Variants in CYLC2 observed in about 807,000 individuals in gnomAD.
CYLC2 encodes cylicin 2.
A neutral mutation model predicts 26.1 loss-of-function variants in CYLC2; 30 were observed. The ratio of observed to expected loss-of-function variants is 1.15; its 90% CI spans 0.86 to 1.56. CYLC2 has a LOEUF of 1.56. Among genes scored for constraint, CYLC2 ranks in the 40% most tolerant of loss-of-function variants. The probability of loss-of-function intolerance (pLI) is 0.00; values close to 1 mark genes in which losing one functional copy is unlikely to be tolerated. For missense variants in CYLC2, 498 were observed against 394.4 expected, an observed-to-expected ratio of 1.26 and a Z score of -2.23; for synonymous variants, 158 against 132.8, an observed-to-expected ratio of 1.19 and a Z score of -1.31.
chr9:103,015,127 TGATATA>T, intron 6 of CYLC2, among the ~76,000 whole-genome samples: 1 of 53,932 alleles, frequency 1.9e-5, no homozygotes, highest in Non-Finnish European at 3.4e-5. Flanking sequence ...GTATATCACG[TGATATA>T]CATAACATGT....
chr9:103,015,657 C>A (rs12004982), intron 6 of CYLC2, among the ~76,000 whole-genome samples: 1 of 148,228 alleles, frequency 6.7e-6, no homozygotes, highest in African/African-American at 2.5e-5. Context: ...ACTTGACCAG[C>A]GCTCTACCTT....
chr9:103,002,352 G>GC (rs769810101), intron 2 of CYLC2, among the ~76,000 whole-genome samples: 1 of 114,914 alleles, frequency 8.7e-6, no homozygotes, highest in African/African-American at 3.1e-5. Flanking sequence ...TATAGCATTT[G>GC]CCCCCTTTTT....
rs2118258187 is a variant in CYLC2, at chr9:103,012,078, T to G, written c.*797T>G. 1 of 149,436 alleles carries G rather than the reference T, an allele frequency of 6.7e-6. No homozygotes were observed. Among genetic ancestry groups the G allele is most frequent in the African/African-American group, 2.4e-5 (1 of 40,838 alleles). The allele number at this position is 149,436 out of a possible 1,614,324, so 9.3% of individuals were successfully genotyped here. Reference sequence around the variant, plus strand: ...CAAGTGATTCTCCTGCCTCAGCCTCTCTGGTAGCTGGGATTACAGGTATGC... The same window carrying G: ...CAAGTGATTCTCCTGCCTCAGCCTCGCTGGTAGCTGGGATTACAGGTATGC... On this transcript the variant is annotated 3_prime_UTR_variant, in exon 6 of 8. Transcript: ENST00000374798.
chr9:103,013,686 A>AT (rs1564100708), intron 6 of CYLC2, among the ~76,000 whole-genome samples: 1 of 110,808 alleles, frequency 9.0e-6, no homozygotes, highest in African/African-American at 3.7e-5. Context: ...TATATGATAT[A>AT]TAATATATCC....
At chr9:103,010,911 C>T (rs1829400486) in intron 5 of CYLC2, 2 of 151,818 alleles carry the variant, frequency 1.3e-5, no homozygotes, top group East Asian at 1.9e-4. Context: ...CCTAGATCAA[C>T]CATTATGTAA....
intron 5 of CYLC2, among the ~76,000 whole-genome samples, chr9:103,007,760 C>T (rs892310584): frequency 5.9e-5 from 9 of 152,108 alleles, no homozygotes; most frequent in African/African-American, 2.2e-4. Context: ...CTGACACAAA[C>T]TTTGGATGCA....
intron 6 of CYLC2, among the ~76,000 whole-genome samples, chr9:103,013,958 ATAT>A (rs1319390432): frequency 1.0e-5 from 1 of 95,646 alleles, no homozygotes; most frequent in African/African-American, 3.9e-5. Flanking sequence ...ACTATATATT[ATAT>A]ATTATTATAT....
chr9:103,000,676 G>T (rs1359790814), intron 1 of CYLC2, among the ~76,000 whole-genome samples: 1 of 152,002 alleles, frequency 6.6e-6, no homozygotes, highest in Admixed American at 6.6e-5. Context: ...TTTAGTCAAG[G>T]TATCAAGATA....
At chr9:103,010,659 A>C (rs754781312) in intron 5 of CYLC2, 2 of 152,094 alleles carry the variant, frequency 1.3e-5, no homozygotes, top group Non-Finnish European at 2.9e-5. Context: ...AAAAATGTAT[A>C]GTTATGTTAA....
intron 6 of CYLC2, among the ~76,000 whole-genome samples, chr9:103,015,979 T>C (rs1829500872): frequency 6.7e-6 from 1 of 150,226 alleles, no homozygotes; most frequent in Non-Finnish European, 1.5e-5. Flanking sequence ...TAAGTATATA[T>C]ACATACATAT....
chr9:103,005,140 A>C lies in CYLC2; in HGVS notation c.509A>C (p.Lys170Thr), dbSNP rs775581701. ...DSKKGKKDAE[K>T]GKDSATESED... ...AAAAAAGGTAAAAAGGATGCAGAGAAGGGCAAAGACTCAGCAACAGAATCT... is the reference window on the plus strand; with the variant it reads ...AAAAAAGGTAAAAAGGATGCAGAGACGGGCAAAGACTCAGCAACAGAATCT... Residue 170 changes from lysine to threonine, a missense_variant, in exon 5 of 8, where the codon AAG becomes ACG. By Grantham distance (78) the Lys-to-Thr change is moderately conservative. Coordinates refer to ENST00000374798, the MANE Select transcript of CYLC2 (RefSeq NM_001340.5). 3.1e-6 allele frequency: 5 copies of C among 1,607,732 alleles called. No individual in the cohort carries two copies. The South Asian group carries it at 5.5e-5, about 18-fold the overall frequency.
In CYLC2 at chr9:103,002,362, T is replaced by TCC. The variant is rs1829297145; in HGVS notation, c.58+744_58+745insCC. 1.5e-3 allele frequency among the ~76,000 whole-genome samples: 156 copies of TCC among 104,358 alleles called. 2 individuals are homozygous for TCC. Among genetic ancestry groups the TCC allele is most frequent in the South Asian group, 0.012 (32 of 2,700 alleles). The allele number at this position is 104,358 out of a possible 152,430, so 68.5% of individuals were successfully genotyped here. ...GGGTGTATAGCATTTGCCCCCTTTT[T>TCC]TTTTTTTTTTTTTTTTTTTTTGAGA... On this transcript the variant is annotated intron_variant, in intron 2 of 7. Transcript: ENST00000374798.
chr9:102,999,749 G>C (rs1444665863), intron 1 of CYLC2, among the ~76,000 whole-genome samples: 1 of 151,576 alleles, frequency 6.6e-6, no homozygotes, highest in African/African-American at 2.4e-5. Context: ...TATTTATTTT[G>C]TCAATTGGAA....
At position 103,005,888 on chromosome 9, in the gene CYLC2, C is replaced by T. The variant is rs1005928435; in HGVS notation, c.*210C>T. The T allele has an allele frequency of 3.8e-5, 20 of 524,354 alleles. No individual in the cohort carries two copies. The Admixed American group carries it at 4.3e-4, about 11-fold the overall frequency. The allele number at this position is 524,354 out of a possible 1,614,324, so 32.5% of individuals were successfully genotyped here. A position where few individuals can be genotyped will look rare whatever the true frequency, so the allele number is the denominator to read the frequency against. On this transcript the variant is annotated 3_prime_UTR_variant, in exon 5 of 8. Coordinates refer to ENST00000374798, the MANE Select transcript of CYLC2 (RefSeq NM_001340.5). ...ATGTTAAGAAAAATTAAGGGGGGAT[C>T]CATTGAAAGACTTGAAGAATACATA...
chr9:103,011,947 CTTTTTTTTTT>C (rs776460013), intron 5 of CYLC2, 25 bp from the exon 6 acceptor site: 18 of 64,082 alleles, frequency 2.8e-4, no homozygotes, highest in East Asian at 5.2e-4. Flanking sequence ...AGATCATTCT[CTTTTTTTTTT>C]TTTTTTTTTT....
In CYLC2 at chr9:103,003,135, A is replaced by AT. The variant is rs771714078; in HGVS notation, c.59-3dup. On this transcript the variant is annotated splice_region_variant and splice_polypyrimidine_tract_variant and intron_variant, in intron 2 of 7. Transcript: ENST00000374798. Reference sequence around the variant, plus strand: ...CCAAAATGTGTTTTTTGTCTCCCTTATTTTAGTCAGTGAATTAAGCAAAAA... The same window carrying AT: ...CCAAAATGTGTTTTTTGTCTCCCTTATTTTTAGTCAGTGAATTAAGCAAAAA... 6.2e-7 allele frequency: 1 copy of AT among 1,612,966 alleles called. No homozygotes were observed.
chr9:103,015,028 T>C (rs959603446), intron 6 of CYLC2, among the ~76,000 whole-genome samples: 2 of 104,028 alleles, frequency 1.9e-5, no homozygotes, highest in African/African-American at 3.5e-5. Flanking sequence ...GTATACATAA[T>C]ACATGTGATA....
At chr9:103,008,913 GT>G (rs1270274759) in intron 5 of CYLC2, among the ~76,000 whole-genome samples, 7 of 152,094 alleles carry the variant, frequency 4.6e-5, no homozygotes, top group Non-Finnish European at 1.0e-4. Flanking sequence ...AAGCTTTCTA[GT>G]GTACTGATGC....
At chr9:103,001,784 T>C (rs144177447) in intron 2 of CYLC2, among the ~76,000 whole-genome samples, 166 bp downstream of exon 2, 7 of 152,278 alleles carry the variant, frequency 4.6e-5, no homozygotes, top group Non-Finnish European at 1.0e-4. Flanking sequence ...CTTTAATATA[T>C]GTTTTGCTTT....
Sources: gnomAD v4.1 joint callset for allele counts (sites outside exome capture counted in the v4.1 genomes callset) on GRCh38, gnomAD v4.1.1 for gene constraint, MANE v1.5 for transcripts, NCBI Gene and HGNC (gene_info 2026-07-23, HGNC 2026-07-21) for gene names.